OPCML: variants seen among roughly 807,000 people sequenced by gnomAD.
OPCML encodes the protein opioid binding protein/cell adhesion molecule like.
OPCML carries 13 observed loss-of-function variants against 37.8 expected under a neutral mutation model. That is an observed-to-expected ratio of 0.34 (90% CI 0.22 to 0.55). The LOEUF is 0.55. Ranked by LOEUF, OPCML falls within the 20% of genes least tolerant of loss-of-function variation. The pLI is 0.91. For missense variants in OPCML, 341 were observed against 435.6 expected, an observed-to-expected ratio of 0.78 and a Z score of 1.93; for synonymous variants, 176 against 168.8, an observed-to-expected ratio of 1.04 and a Z score of -0.33.
chr11:132,622,934 G>C (rs555389873), intron 3 of OPCML, among the ~76,000 whole-genome samples: 5 of 152,226 alleles, frequency 3.3e-5, no homozygotes, highest in East Asian at 1.9e-4. Context: ...GCAACTCATC[G>C]TATCTCTTTG....
At chr11:132,560,721 T>C (rs570070054) in intron 3 of OPCML, among the ~76,000 whole-genome samples, 1 of 152,328 alleles carries the variant, frequency 6.6e-6, no homozygotes, top group East Asian at 1.9e-4. Context: ...TGGCCATTTG[T>C]ATATCTTCCC....
intron 1 of OPCML, among the ~76,000 whole-genome samples, chr11:132,968,251 G>A (rs1160983600): frequency 6.6e-6 from 1 of 152,270 alleles, no homozygotes; most frequent in African/African-American, 2.4e-5. Flanking sequence ...CTGTTTTTCT[G>A]TTGCTATAAT....
chr11:132,761,272 T>G (rs1591571376), intron 2 of OPCML, among the ~76,000 whole-genome samples: 1 of 146,284 alleles, frequency 6.8e-6, no homozygotes, highest in Non-Finnish European at 1.5e-5. Flanking sequence ...GTAAATCTGG[T>G]GATTATGTGT....
Position 132,572,139 on chromosome 11 carries a change from G to A in OPCML, c.380-42953C>T, listed in dbSNP as rs537389411. On this transcript the variant is annotated intron_variant, in intron 3 of 7. Coordinates refer to ENST00000524381, the MANE Select transcript of OPCML (RefSeq NM_001012393.5). The stretch of plus-strand genomic sequence containing the variant: ...TTTTTTTTTTGGTATTGAGTTGTAC[G>A]AGTTCTTTACATATTAATATTTTTA... Among the ~76,000 whole-genome samples, 3 of 150,730 alleles carry A rather than the reference G, an allele frequency of 2.0e-5. No individual in the cohort carries two copies. In the East Asian group the frequency reaches 5.9e-4, roughly 29 times the overall value.
At position 133,423,375 on chromosome 11, in the gene OPCML, A is replaced by C. The variant is rs1054437120; in HGVS notation, c.61+108889T>G. 16 of 985,312 alleles carry C rather than the reference A, an allele frequency of 1.6e-5. No homozygotes were observed. The African/African-American group carries it at 2.4e-4, about 15-fold the overall frequency. The allele number at this position is 985,312 out of a possible 1,614,324, so 61.0% of individuals were successfully genotyped here. A position where few individuals can be genotyped will look rare whatever the true frequency, so the allele number is the denominator to read the frequency against. ...TAGCTGCAGATAACTGAGAGTGGAC[A>C]GTAACTCCAAGCTTCTTTCCCTAGG... On this transcript the variant is annotated intron_variant, in intron 1 of 7. Transcript: ENST00000524381.
At chr11:132,751,577 A>G (rs1945834659) in intron 2 of OPCML, among the ~76,000 whole-genome samples, 1 of 152,222 alleles carries the variant, frequency 6.6e-6, no homozygotes. Flanking sequence ...AGCATTTTAC[A>G]TCAGTGATCT....
chr11:133,146,250 G>A (rs953710418), intron 1 of OPCML, among the ~76,000 whole-genome samples: 1 of 151,942 alleles, frequency 6.6e-6, no homozygotes, highest in Non-Finnish European at 1.5e-5. Context: ...CTCTGGGAGG[G>A]AGAGGTCATG....
chr11:132,857,741 A>G (rs1035114839), intron 2 of OPCML, among the ~76,000 whole-genome samples: 1 of 151,140 alleles, frequency 6.6e-6, no homozygotes, highest in Non-Finnish European at 1.5e-5. Flanking sequence ...TTATGCTAAC[A>G]TGTAATGAAA....
intron 2 of OPCML, among the ~76,000 whole-genome samples, chr11:132,867,010 A>C (rs961184191): frequency 6.6e-6 from 1 of 152,244 alleles, no homozygotes; most frequent in Non-Finnish European, 1.5e-5. Context: ...AACACAATGC[A>C]TGACACATCC....
chr11:132,453,654 G>A (rs7929832), intron 4 of OPCML, among the ~76,000 whole-genome samples: 303 of 152,306 alleles, frequency 2.0e-3, no homozygotes, highest in African/African-American at 6.7e-3. Context: ...TGGTGATTAA[G>A]CCCCTCGGCA....
chr11:132,666,222 C>T (rs952667919), intron 2 of OPCML, among the ~76,000 whole-genome samples: 4 of 152,066 alleles, frequency 2.6e-5, no homozygotes, highest in Non-Finnish European at 4.4e-5. Context: ...GGAGGCATGG[C>T]GCCACCATCT....
chr11:132,676,253 A>G (rs1258175071), intron 2 of OPCML, among the ~76,000 whole-genome samples: 1 of 152,146 alleles, frequency 6.6e-6, no homozygotes, highest in Non-Finnish European at 1.5e-5. Flanking sequence ...AATTGAATAC[A>G]GCTGGAACTC....
intron 4 of OPCML, among the ~76,000 whole-genome samples, chr11:132,521,190 T>G (rs1158036550): frequency 2.6e-5 from 4 of 152,186 alleles, no homozygotes; most frequent in African/African-American, 7.2e-5. Context: ...TTCAGAAGTA[T>G]CTGTTCATAT....
intron 1 of OPCML, 149 bp downstream of exon 1, chr11:133,532,115 A>G: frequency 5.3e-6 from 7 of 1,318,846 alleles, no homozygotes; most frequent in Non-Finnish European, 6.2e-6. Context: ...GTGCGTGCAC[A>G]CAGCAAGCCT....
At chr11:133,006,283 G>A in intron 1 of OPCML, 2 of 496,558 alleles carry the variant, frequency 4.0e-6, no homozygotes, top group South Asian at 8.7e-5. Flanking sequence ...ACTCTGGCCT[G>A]GTGAGAGAGA....
intron 2 of OPCML, among the ~76,000 whole-genome samples, chr11:132,842,653 T>G (rs2136306511): frequency 6.6e-6 from 1 of 152,342 alleles, no homozygotes; most frequent in African/African-American, 2.4e-5. Context: ...TTTTCAAATC[T>G]TAGCCATACA....
Position 133,247,570 on chromosome 11 carries a change from TTCTTTC to T in OPCML, c.61+284688_61+284693del, listed in dbSNP as rs1940979195. ...TTTCTTTCTTTCTTTCTTTCTTTCT[TTCTTTC>T]TTTCTTTCATCTGTCTTTCTTTCTT... On this transcript the variant is annotated intron_variant, in intron 1 of 7. Coordinates refer to ENST00000524381, the MANE Select transcript of OPCML (RefSeq NM_001012393.5). Among the ~76,000 whole-genome samples the T allele has an allele frequency of 5.3e-5, 8 of 149,826 alleles. No homozygotes were observed. In the South Asian group the frequency reaches 1.7e-3, roughly 32 times the overall value.
At chr11:133,347,304 T>G (rs1944026172) in intron 1 of OPCML, among the ~76,000 whole-genome samples, 6 of 152,180 alleles carry the variant, frequency 3.9e-5, no homozygotes, top group Admixed American at 3.9e-4. Context: ...GCAGTTGTCC[T>G]CCCGGGAGCT....
At chr11:132,577,667 C>T (rs1279193805) in intron 3 of OPCML, among the ~76,000 whole-genome samples, 4 of 152,146 alleles carry the variant, frequency 2.6e-5, no homozygotes, top group African/African-American at 9.7e-5. Context: ...AGAAATGAAA[C>T]TTTCTCTAGC....
Sources: gnomAD v4.1 joint callset for allele counts (sites outside exome capture counted in the v4.1 genomes callset) on GRCh38, gnomAD v4.1.1 for gene constraint, MANE v1.5 for transcripts, NCBI Gene and HGNC (gene_info 2026-07-23, HGNC 2026-07-21) for gene names.